MOSMO: variants seen among roughly 807,000 people sequenced by gnomAD.
The protein encoded by MOSMO is modulator of smoothened.
A neutral mutation model predicts 18.4 loss-of-function variants in MOSMO; 5 were observed. The ratio of observed to expected loss-of-function variants is 0.27; its 90% confidence interval spans 0.14 to 0.57. The LOEUF (loss-of-function observed/expected upper bound fraction) is 0.57. Ranked by LOEUF, MOSMO falls within the 20% of genes least tolerant of loss-of-function variation. The pLI is 0.92. For missense variants in MOSMO, 138 were observed against 211.8 expected (o/e 0.65, Z 2.16); for synonymous variants, 82 against 82.3 (o/e 1.00, Z 0.02).
At chr16:22,029,419 G>C (rs1899949312) in intron 1 of MOSMO, among the ~76,000 whole-genome samples, 1 of 152,134 alleles carries the variant, frequency 6.6e-6, no homozygotes, top group Non-Finnish European at 1.5e-5. Context: ...AGATCTTATA[G>C]CTTCAGAAAA....
intron 1 of MOSMO, among the ~76,000 whole-genome samples, chr16:22,040,837 G>A (rs764454006): frequency 2.4e-4 from 37 of 152,212 alleles, no homozygotes; most frequent in Admixed American, 1.4e-3. Context: ...ACAAAGACAC[G>A]CCTATAGTCC....
chr16:22,073,289 A>G (rs934811353), intron 1 of MOSMO, among the ~76,000 whole-genome samples: 18 of 152,230 alleles, frequency 1.2e-4, no homozygotes, highest in African/African-American at 3.6e-4. Flanking sequence ...GTAACTGTAC[A>G]GACTTTGTAT....
intron 2 of MOSMO, among the ~76,000 whole-genome samples, chr16:22,079,596 T>C (rs1853130045): frequency 1.3e-5 from 2 of 152,140 alleles, no homozygotes; most frequent in Admixed American, 6.5e-5. Flanking sequence ...CTCCTTTGTG[T>C]TTACATGCAA....
intron 1 of MOSMO, among the ~76,000 whole-genome samples, chr16:22,025,790 G>A (rs1274747732): frequency 6.6e-6 from 1 of 152,142 alleles, no homozygotes; most frequent in Non-Finnish European, 1.5e-5. Context: ...TCAAAGAAGG[G>A]AATGATTTAC....
intron 1 of MOSMO, among the ~76,000 whole-genome samples, chr16:22,031,642 A>C (rs1404364740): frequency 6.6e-6 from 1 of 152,222 alleles, no homozygotes; most frequent in Admixed American, 6.5e-5. Context: ...GGCTTCTGTC[A>C]CTTAGCATAA....
At position 22,083,196 on chromosome 16, in the gene MOSMO, G is replaced by T. The variant is rs1598029772; in HGVS notation, c.*2316G>T. 6.6e-6 allele frequency: 1 copy of T among 152,254 alleles called. No individual in the cohort carries two copies. Among genetic ancestry groups the T allele is most frequent in the Non-Finnish European group, 1.5e-5 (1 of 68,060 alleles). 9.4% of individuals were successfully genotyped at this position (152,254 alleles called of 1,614,324 possible). A position where few individuals can be genotyped will look rare whatever the true frequency, so the allele number is the denominator to read the frequency against. The stretch of plus-strand genomic sequence containing the variant: ...TGGATCATGAGCATGGGGAGAGAAA[G>T]TTTCTCAGCTGCTAAGAATTTCCCC... On this transcript the variant is annotated 3_prime_UTR_variant, in exon 3 of 3. Transcript: ENST00000542527.
In MOSMO at chr16:22,075,719, T is replaced by TA; in HGVS notation, c.319+23dup. The stretch of plus-strand genomic sequence containing the variant: ...CTGGAAGTAAGTAACCTGTGCTTAC[T>TA]AAATTTGTCTAGAAGGCACCCACCC... On this transcript the variant is annotated intron_variant, in intron 2 of 2. Transcript: ENST00000542527. 1 of 1,526,824 alleles carries TA rather than the reference T, an allele frequency of 6.5e-7. No homozygotes were observed. Among genetic ancestry groups the TA allele is most frequent in the Non-Finnish European group, 8.8e-7 (1 of 1,138,292 alleles). The allele number at this position is 1,526,824 out of a possible 1,614,324, so 94.6% of individuals were successfully genotyped here. A position where few individuals can be genotyped will look rare whatever the true frequency, so the allele number is the denominator to read the frequency against.
At position 22,080,714 on chromosome 16, in the gene MOSMO, C is replaced by T; in HGVS notation, c.338C>T (p.Ala113Val). Residue 113 changes from alanine to valine, a missense_variant, in exon 3 of 3, where the codon GCT (alanine) becomes GTT (valine). Physicochemically the swap from Ala to Val is moderately conservative, Grantham distance 64. Coordinates refer to ENST00000542527, the MANE Select transcript of MOSMO (RefSeq NM_001164579.2). ...TTTACAGTGATCCTTTTCTGTATGGCTGCCCTAATATTTCCAATAGGATTT... is the reference window on the plus strand; with the variant it reads ...TTTACAGTGATCCTTTTCTGTATGGTTGCCCTAATATTTCCAATAGGATTT... The part of the protein sequence containing the change: ...AFTGMILFCM[A>V]ALIFPIGFYI... 6.7e-7 allele frequency: 1 copy of T among 1,495,574 alleles called. No individual in the cohort carries two copies. The highest frequency in any genetic ancestry group is 8.8e-7 in the Non-Finnish European group (1 of 1,130,516). 92.6% of individuals were successfully genotyped at this position (1,495,574 alleles called of 1,614,324 possible).
intron 1 of MOSMO, among the ~76,000 whole-genome samples, chr16:22,057,783 C>T (rs1900565467): frequency 1.3e-5 from 2 of 152,068 alleles, no homozygotes; most frequent in South Asian, 2.1e-4. Flanking sequence ...GAAGAATTTA[C>T]GAGGGAAGTC....
chr16:22,051,435 A>G (rs1325418883), intron 1 of MOSMO, among the ~76,000 whole-genome samples: 1 of 152,088 alleles, frequency 6.6e-6, no homozygotes, highest in Non-Finnish European at 1.5e-5. Flanking sequence ...ATACAAAAAA[A>G]ATCTACCATA....
chr16:22,075,751 G>A (rs1247814750), intron 2 of MOSMO, 52 bp downstream of exon 2: 4 of 1,269,712 alleles, frequency 3.2e-6, no homozygotes, highest in Admixed American at 2.0e-5. Context: ...ACCCACACTG[G>A]TATTTTTATG....
chr16:22,049,046 T>C (rs1900371778), intron 1 of MOSMO, among the ~76,000 whole-genome samples: 1 of 152,148 alleles, frequency 6.6e-6, no homozygotes, highest in South Asian at 2.1e-4. Context: ...TTTTTAAAGG[T>C]TTTAATATGT....
rs146372982 is a variant in MOSMO at position 22,049,210 on chromosome 16, AAAAC to A, written c.107-26268_107-26265del. 0.026 allele frequency among the ~76,000 whole-genome samples: 3,902 copies of A among 152,182 alleles called. 348 individuals are homozygous for A. In the East Asian group the frequency reaches 0.36, roughly 14 times the overall value. On this transcript the variant is annotated intron_variant, in intron 1 of 2. Transcript: ENST00000542527. ...AGAAGTTTTCTTGGTTTGCTTTAAA[AAAAC>A]AAACAAACCAGGTTCTCATTCTGTA... is the stretch of plus-strand genomic sequence containing the variant.
chr16:22,023,997 T>TTTTATATATATA (rs371289654), intron 1 of MOSMO, among the ~76,000 whole-genome samples: 2 of 126,314 alleles, frequency 1.6e-5, no homozygotes, highest in African/African-American at 7.4e-5. Flanking sequence ...TTTGTACAAA[T>TTTTATATATATA]TATATATATA....
At chr16:22,035,799 C>T (rs561397350) in intron 1 of MOSMO, among the ~76,000 whole-genome samples, 6 of 152,108 alleles carry the variant, frequency 3.9e-5, no homozygotes, top group Non-Finnish European at 8.8e-5. Flanking sequence ...GACTGGAAAT[C>T]GGAAGTTACC....
chr16:22,041,239 G>A (rs983752231), intron 1 of MOSMO, among the ~76,000 whole-genome samples: 5 of 152,200 alleles, frequency 3.3e-5, no homozygotes, highest in Non-Finnish European at 7.4e-5. Flanking sequence ...ACACTGTGGT[G>A]ATCTGAGGTG....
At chr16:22,088,878 C>T (rs761484975), downstream of MOSMO, among the ~76,000 whole-genome samples, 8 of 152,092 alleles carry the variant, frequency 5.3e-5, no homozygotes, top group Non-Finnish European at 1.2e-4. Context: ...TAACTTGTCC[C>T]GCTTGCATGA....
chr16:22,019,608 C>T (rs1020518739), intron 1 of MOSMO, among the ~76,000 whole-genome samples: 1 of 152,036 alleles, frequency 6.6e-6, no homozygotes, highest in Non-Finnish European at 1.5e-5. Context: ...GTATCTTAGG[C>T]AGCATTCAGT....
At chr16:22,058,615 G>C (rs1233415214) in intron 1 of MOSMO, among the ~76,000 whole-genome samples, 2 of 152,084 alleles carry the variant, frequency 1.3e-5, no homozygotes, top group Non-Finnish European at 2.9e-5. Context: ...TTCAGAGTGG[G>C]AACCTATGGG....
Sources: allele counts gnomAD v4.1 joint callset (sites outside exome capture counted in the v4.1 genomes callset), GRCh38; gene constraint gnomAD v4.1.1; transcripts MANE v1.5; gene names NCBI Gene and HGNC (gene_info 2026-07-23, HGNC 2026-07-21).